Variants in MAD1L1 observed in about 807,000 individuals in gnomAD.
The protein encoded by MAD1L1 is mitotic spindle assembly checkpoint protein MAD1.
A neutral mutation model predicts 96.9 loss-of-function variants in MAD1L1; 95 were observed. The ratio of observed to expected loss-of-function variants is 0.98; its 90% CI spans 0.83 to 1.16. The LOEUF is 1.16. Among genes scored for constraint, MAD1L1 ranks in the 50% most tolerant of loss-of-function variants. The probability of loss-of-function intolerance (pLI) is 0.00; values close to 1 mark genes in which losing one functional copy is unlikely to be tolerated. For synonymous variants in MAD1L1, 473 were observed against 396.6 expected (o/e 1.19, Z -2.29); for missense variants, 1,007 against 954.4 (o/e 1.06, Z -0.73).
intron 12 of MAD1L1, among the ~76,000 whole-genome samples, chr7:2,062,657 T>C (rs550909026): frequency 2.8e-4 from 43 of 152,236 alleles, no homozygotes; most frequent in African/African-American, 9.9e-4. Flanking sequence ...CACGAGGGTC[T>C]TGCTGGGGTT....
intron 18 of MAD1L1, among the ~76,000 whole-genome samples, chr7:1,856,799 G>C (rs1389377735): frequency 1.3e-5 from 2 of 152,140 alleles, no homozygotes; most frequent in Non-Finnish European, 1.5e-5. Flanking sequence ...CCTGGAACGT[G>C]GTCTCGGGCC....
chr7:2,208,087 G>C (rs932156118), intron 10 of MAD1L1, among the ~76,000 whole-genome samples: 2 of 152,120 alleles, frequency 1.3e-5, no homozygotes, highest in South Asian at 2.1e-4. Flanking sequence ...TTCTACATCA[G>C]GTGATCTTTA....
chr7:2,055,533 C>T (rs935311333), intron 12 of MAD1L1, among the ~76,000 whole-genome samples: 10 of 152,054 alleles, frequency 6.6e-5, no homozygotes, highest in East Asian at 5.8e-4. Flanking sequence ...TAGATGGGCA[C>T]GGTGGTGGCA....
At chr7:1,903,866 A>C in intron 17 of MAD1L1, among the ~76,000 whole-genome samples, 1 of 140,658 alleles carries the variant, frequency 7.1e-6, no homozygotes, top group South Asian at 2.3e-4. Context: ...GGCAGCGAGG[A>C]CGCAGTGGCC....
At chr7:2,181,821 T>C (rs1048698992) in intron 10 of MAD1L1, among the ~76,000 whole-genome samples, 6 of 152,026 alleles carry the variant, frequency 3.9e-5, no homozygotes, top group African/African-American at 1.4e-4. Flanking sequence ...TCTATATATA[T>C]ATATATATCA....
intron 12 of MAD1L1, among the ~76,000 whole-genome samples, chr7:2,060,273 G>C (rs554478317): frequency 1.7e-4 from 21 of 126,796 alleles, no homozygotes; most frequent in African/African-American, 5.6e-4. Flanking sequence ...ATACGCCGAT[G>C]CCGAGATACG....
intron 18 of MAD1L1, among the ~76,000 whole-genome samples, chr7:1,860,783 C>G (rs1784507129): frequency 6.6e-6 from 1 of 152,200 alleles, no homozygotes; most frequent in Non-Finnish European, 1.5e-5. Flanking sequence ...AGTGCTCTCT[C>G]TCGGCCTCAG....
chr7:2,016,304 G>A, intron 12 of MAD1L1, among the ~76,000 whole-genome samples: 1 of 152,194 alleles, frequency 6.6e-6, no homozygotes, highest in East Asian at 1.9e-4. Flanking sequence ...CCCACCAGGT[G>A]AGGGCAGGAG....
At chr7:2,121,639 G>A (rs1031795995) in intron 11 of MAD1L1, among the ~76,000 whole-genome samples, 6 of 152,230 alleles carry the variant, frequency 3.9e-5, no homozygotes, top group Middle Eastern at 3.2e-3. Flanking sequence ...GCCAGCAGGA[G>A]GCCGCTTGGG....
chr7:2,193,724 A>G (rs1172636099), intron 10 of MAD1L1, among the ~76,000 whole-genome samples: 1 of 152,168 alleles, frequency 6.6e-6, no homozygotes, highest in Non-Finnish European at 1.5e-5. Flanking sequence ...TGCACTGCCA[A>G]GGCTCCAGCC....
chr7:2,162,219 G>A (rs1427867686), intron 10 of MAD1L1, among the ~76,000 whole-genome samples: 2 of 152,234 alleles, frequency 1.3e-5, no homozygotes, highest in African/African-American at 4.8e-5. Flanking sequence ...GTAGACATGG[G>A]AGACTCCATT....
intron 13 of MAD1L1, among the ~76,000 whole-genome samples, chr7:2,012,922 A>G (rs936224758): frequency 6.6e-6 from 1 of 152,214 alleles, no homozygotes; most frequent in East Asian, 1.9e-4. Context: ...AGCTTTCTAG[A>G]TGTAGTTTGG....
At chr7:1,869,262 G>T (rs1167037297) in intron 18 of MAD1L1, among the ~76,000 whole-genome samples, 1 of 152,026 alleles carries the variant, frequency 6.6e-6, no homozygotes, top group Non-Finnish European at 1.5e-5. Flanking sequence ...CACGTGGAGA[G>T]CACCCCTTGC....
intron 18 of MAD1L1, among the ~76,000 whole-genome samples, chr7:1,841,356 C>T (rs761620278): frequency 1.1e-4 from 17 of 152,254 alleles, no homozygotes; most frequent in Admixed American, 3.9e-4. Context: ...TCTCATGAAA[C>T]AGACGAGAAG....
At chr7:1,866,632 A>G (rs1206415567) in intron 18 of MAD1L1, among the ~76,000 whole-genome samples, 1 of 152,206 alleles carries the variant, frequency 6.6e-6, no homozygotes, top group African/African-American at 2.4e-5. Flanking sequence ...CAGGCAACGC[A>G]GAGGCCATGG....
chr7:1,865,479 T>C (rs1784736202), intron 18 of MAD1L1, among the ~76,000 whole-genome samples: 1 of 152,194 alleles, frequency 6.6e-6, no homozygotes, highest in South Asian at 2.1e-4. Flanking sequence ...CAAGCTTCCC[T>C]TCAGTCTCCT....
At chr7:1,819,700 C>T (rs545214383) in intron 18 of MAD1L1, among the ~76,000 whole-genome samples, 9 of 152,228 alleles carry the variant, frequency 5.9e-5, no homozygotes, top group Non-Finnish European at 1.3e-4. Context: ...ACAAGAGGCA[C>T]GGAGTGAGGG....
intron 18 of MAD1L1, among the ~76,000 whole-genome samples, chr7:1,852,430 T>C (rs1247692131): frequency 2.0e-5 from 3 of 152,092 alleles, no homozygotes; most frequent in Non-Finnish European, 2.9e-5. Flanking sequence ...TCAATGGACC[T>C]TGCACTGGGG....
chr7:2,230,268 G>T, intron 2 of MAD1L1, 125 bp from the exon 3 acceptor site: 3 of 637,212 alleles, frequency 4.7e-6, no homozygotes, highest in Non-Finnish European at 7.9e-6. Flanking sequence ...ATACACCCAT[G>T]CCTGTAACCA....
Sources: gnomAD v4.1 joint callset for allele counts (sites outside exome capture counted in the v4.1 genomes callset) on GRCh38, gnomAD v4.1.1 for gene constraint, MANE v1.5 for transcripts, NCBI Gene and HGNC (gene_info 2026-07-23, HGNC 2026-07-21) for gene names.